The following MLYCD variants were observed in gnomAD, a reference collection of about 807,000 sequenced individuals.
MLYCD encodes malonyl-CoA decarboxylase.
Under a neutral mutation model 35.8 loss-of-function variants are expected in MLYCD, and 27 were observed. The observed-to-expected ratio is 0.75, with a 90% CI of 0.56 to 1.04. The LOEUF (loss-of-function observed/expected upper bound fraction) is 1.04, where lower values mean the gene tolerates loss of function less well. Among genes scored for constraint, MLYCD ranks in the 50% least tolerant of loss-of-function variants. MLYCD has a pLI of 0.00. For synonymous variants in MLYCD, 403 were observed against 302.4 expected (o/e 1.33, Z -3.45); for missense variants, 917 against 665.1 (o/e 1.38, Z -4.17).
intron 1 of MLYCD, among the ~76,000 whole-genome samples, chr16:83,904,770 T>A (rs779876313): frequency 1.3e-5 from 2 of 152,226 alleles, no homozygotes; most frequent in Non-Finnish European, 2.9e-5. Context: ...CACCTGTGCT[T>A]GATGGCTTCC....
chr16:83,916,136 TAATG>T lies in MLYCD; in HGVS notation c.*650_*653del. ...TTAAATGATCAGGGATTCAGGTTCATAATGAACTTCACAGTAAAGAACACGTTTG... is the reference window on the plus strand; with the variant it reads ...TTAAATGATCAGGGATTCAGGTTCATAACTTCACAGTAAAGAACACGTTTG... On this transcript the variant is annotated 3_prime_UTR_variant, in exon 5 of 5. Coordinates refer to ENST00000262430, the MANE Select transcript of MLYCD (RefSeq NM_012213.3). 1.0e-6 allele frequency: 1 copy of T among 993,102 alleles called. No homozygotes were observed. The highest frequency in any genetic ancestry group is 1.2e-6 in the Non-Finnish European group (1 of 833,316). The allele number at this position is 993,102 out of a possible 1,614,324, so 61.5% of individuals were successfully genotyped here.
rs958529136 is a variant in MLYCD at position 83,920,932 on chromosome 16, G to GGATGGATGGATGACA, written c.*5453_*5467dup. ...TGGATGGATGGATGGATGGATGGAT[G>GGATGGATGGATGACA]GATGGATGGATGACAGATGGATGGT... is the stretch of plus-strand genomic sequence containing the variant. On this transcript the variant is annotated 3_prime_UTR_variant, in exon 5 of 5. Coordinates refer to ENST00000262430, the MANE Select transcript of MLYCD (RefSeq NM_012213.3). 1.3e-5 allele frequency: 2 copies of GGATGGATGGATGACA among 150,754 alleles called. No individual in the cohort carries two copies. The highest frequency in any genetic ancestry group is 4.9e-5 in the African/African-American group (2 of 40,776). 9.3% of individuals were successfully genotyped at this position (150,754 alleles called of 1,614,324 possible).
Position 83,912,338 on chromosome 16 carries a change from C to G in MLYCD, c.919C>G (p.Leu307Val), listed in dbSNP as rs1435089192. The change falls in exon 4 of 5, where the codon CTC becomes GTC. Residue 307 changes from leucine to valine, a missense_variant. Coordinates refer to ENST00000262430, the MANE Select transcript of MLYCD (RefSeq NM_012213.3). ...GLQGVELGTF[L>V]IKRVVKELQR... Reference sequence around the variant, plus strand: ...CCAAGGGGTGGAGCTGGGAACATTCCTCATAAAGCGAGTCGTCAAGGAGTT... The same window carrying G: ...CCAAGGGGTGGAGCTGGGAACATTCGTCATAAAGCGAGTCGTCAAGGAGTT... The G allele has an allele frequency of 1.9e-6, 3 of 1,614,078 alleles. No homozygotes were observed. Among genetic ancestry groups the G allele is most frequent in the Non-Finnish European group, 2.5e-6 (3 of 1,180,054 alleles).
rs989589108 is a variant in MLYCD, at chr16:83,902,116, T to C, written c.528+2444T>C. 1.1e-4 allele frequency among the ~76,000 whole-genome samples: 16 copies of C among 145,794 alleles called. 1 individual carries two copies. The East Asian group carries it at 2.4e-3, about 22-fold the overall frequency. The stretch of plus-strand genomic sequence containing the variant: ...AGTTGTTTTCTCATATATACACATA[T>C]ATATGTATGTGTATATGTGTGTGTG... On this transcript the variant is annotated intron_variant, in intron 1 of 4. Coordinates refer to ENST00000262430, the MANE Select transcript of MLYCD (RefSeq NM_012213.3).
At chr16:83,914,631 C>G (rs896367468) in intron 4 of MLYCD, 2 of 388,892 alleles carry the variant, frequency 5.1e-6, no homozygotes, top group Non-Finnish European at 9.8e-6. Context: ...TAAATATTTC[C>G]TGCTGGGTGT....
At chr16:83,911,323 C>T (rs1907173208) in intron 3 of MLYCD, among the ~76,000 whole-genome samples, 1 of 152,224 alleles carries the variant, frequency 6.6e-6, no homozygotes, top group Non-Finnish European at 1.5e-5. Flanking sequence ...GGACTGACTA[C>T]GAGACCTCAT....
At chr16:83,902,154 CGTATATAT>C (rs1305034222) in intron 1 of MLYCD, among the ~76,000 whole-genome samples, 2,243 of 84,428 alleles carry the variant, frequency 0.027, 76 homozygotes, top group African/African-American at 0.09. Flanking sequence ...TGTGTGCGTG[CGTATATAT>C]ATATATATAT....
rs185084231 is a variant in MLYCD, at chr16:83,916,206, G to A, written c.*717G>A. 1.8e-4 allele frequency: 174 copies of A among 987,898 alleles called. No homozygotes were observed. Among genetic ancestry groups the A allele is most frequent in the Non-Finnish European group, 1.9e-4 (159 of 830,338 alleles). The allele number at this position is 987,898 out of a possible 1,614,324, so 61.2% of individuals were successfully genotyped here. Reference sequence around the variant, plus strand: ...AACATCTGATTGTGTAGTGGTGGTCGTCTTTAAGATTAGAGACCTGGGAAG... The same window carrying A: ...AACATCTGATTGTGTAGTGGTGGTCATCTTTAAGATTAGAGACCTGGGAAG... On this transcript the variant is annotated 3_prime_UTR_variant, in exon 5 of 5. Transcript: ENST00000262430.
intron 3 of MLYCD, chr16:83,912,015 C>CA (rs1232063806): frequency 1.5e-6 from 1 of 663,962 alleles, no homozygotes; most frequent in African/African-American, 1.8e-5. Context: ...GACCCCCAGG[C>CA]ACGCGGTGGA....
chr16:83,903,861 C>A (rs181297847), intron 1 of MLYCD, among the ~76,000 whole-genome samples: 3 of 152,342 alleles, frequency 2.0e-5, no homozygotes, highest in African/African-American at 7.2e-5. Context: ...GTTTCTCAGT[C>A]TTGTATTGGT....
At chr16:83,906,876 T>C (rs1906995629) in intron 1 of MLYCD, 111 bp from the exon 2 acceptor site, 1 of 917,898 alleles carries the variant, frequency 1.1e-6, no homozygotes, top group Non-Finnish European at 1.8e-6. Flanking sequence ...TCTTGCACAA[T>C]TGTCTTATGT....
At chr16:83,911,101 G>T (rs903717573) in intron 3 of MLYCD, among the ~76,000 whole-genome samples, 24 of 152,012 alleles carry the variant, frequency 1.6e-4, no homozygotes, top group Admixed American at 3.9e-4. Context: ...CTCAGCCTCC[G>T]TAGTAGCTGG....
intron 3 of MLYCD, among the ~76,000 whole-genome samples, chr16:83,909,769 T>C (rs1907107468): frequency 6.6e-6 from 1 of 151,768 alleles, no homozygotes; most frequent in South Asian, 2.1e-4. Flanking sequence ...ATTACAGGCA[T>C]GTGCCACCAT....
rs1907650382 is a variant in MLYCD, at chr16:83,921,424, ATGGATGGATGGGTGGGTGGGTGGG to A, written c.*5947_*5970del. 1.2e-5 allele frequency: 1 copy of A among 83,234 alleles called. No individual in the cohort carries two copies. The highest frequency in any genetic ancestry group is 2.3e-5 in the Non-Finnish European group (1 of 44,420). The allele number at this position is 83,234 out of a possible 1,614,324, so 5.2% of individuals were successfully genotyped here. On this transcript the variant is annotated 3_prime_UTR_variant, in exon 5 of 5. Transcript: ENST00000262430. ...GGGTGGATGGAAGGAAGGAGGATGG[ATGGATGGATGGGTGGGTGGGTGGG>A]TGGATGGATGGCGCAGGGTATATGG...
rs993486783 is a variant in MLYCD at position 83,899,141 on chromosome 16, C to T, written c.-4C>T. The T allele has an allele frequency of 1.6e-5, 18 of 1,133,440 alleles. No homozygotes were observed. The highest frequency in any genetic ancestry group is 8.3e-5 in the African/African-American group (5 of 60,350). 70.2% of individuals were successfully genotyped at this position (1,133,440 alleles called of 1,614,324 possible). ...CTCCCCCTCGGCAGCTGTTGTGGGG[C>T]ACCATGCGAGGCTTCGGGCCAGGCT... On this transcript the variant is annotated 5_prime_UTR_variant, in exon 1 of 5. Transcript: ENST00000262430.
At position 83,908,228 on chromosome 16, in the gene MLYCD, G is replaced by C. The variant is rs202012613; in HGVS notation, c.744G>C (p.Glu248Asp). 1.2e-6 allele frequency: 2 copies of C among 1,614,036 alleles called. No individual in the cohort carries two copies. Among genetic ancestry groups the C allele is most frequent in the Non-Finnish European group, 1.7e-6 (2 of 1,180,034 alleles). ...YFFSHCSTPG[E>D]PLVVLHVALT... ...TTTCTCACTGTTCGACCCCTGGGGA[G>C]CCCCTGGTCGTTTTGCACGTGGCAC... Residue 248 changes from glutamate to aspartate, a missense_variant, in exon 3 of 5, where the codon GAG becomes GAC. By Grantham distance (45) the Glu-to-Asp change is conservative. Transcript: ENST00000262430.
rs983329002 is a variant in MLYCD at position 83,908,039 on chromosome 16, G to A, written c.642-87G>A. Reference sequence around the variant, plus strand: ...AAAGCTCTATTTAAAGAACTTGTTTGACTTAGACGAATAGTATGAATAGGA... The same window carrying A: ...AAAGCTCTATTTAAAGAACTTGTTTAACTTAGACGAATAGTATGAATAGGA... On this transcript the variant is annotated intron_variant, in intron 2 of 4. Coordinates refer to ENST00000262430, the MANE Select transcript of MLYCD (RefSeq NM_012213.3). The A allele has an allele frequency of 7.8e-6, 12 of 1,539,098 alleles. No homozygotes were observed. The Admixed American group carries it at 2.1e-4, about 27-fold the overall frequency.
chr16:83,915,837 G>T lies in MLYCD; in HGVS notation c.*348G>T. On this transcript the variant is annotated 3_prime_UTR_variant, in exon 5 of 5. Transcript: ENST00000262430. ...TGCAGCCTCTGCCATTGCCATCCCA[G>T]GGGGATCTGGCATCCTCCTAAGGAC... The T allele has an allele frequency of 8.2e-7, 1 of 1,222,362 alleles. No individual in the cohort carries two copies. The highest frequency in any genetic ancestry group is 1.5e-5 in the African/African-American group (1 of 64,664). The allele number at this position is 1,222,362 out of a possible 1,614,324, so 75.7% of individuals were successfully genotyped here.
rs1907360807 is a variant in MLYCD, at chr16:83,915,721, G to A, written c.*232G>A. The stretch of plus-strand genomic sequence containing the variant: ...GCGGGTGCACACAAATGAGTGGGTT[G>A]CTGTGCTGTCTCCGGAAGATTCTGT... On this transcript the variant is annotated 3_prime_UTR_variant, in exon 5 of 5. Coordinates refer to ENST00000262430, the MANE Select transcript of MLYCD (RefSeq NM_012213.3). 1 of 1,418,716 alleles carries A rather than the reference G, an allele frequency of 7.0e-7. No individual in the cohort carries two copies. Among genetic ancestry groups the A allele is most frequent in the Non-Finnish European group, 9.2e-7 (1 of 1,085,566 alleles). 87.9% of individuals were successfully genotyped at this position (1,418,716 alleles called of 1,614,324 possible). A position where few individuals can be genotyped will look rare whatever the true frequency, so the allele number is the denominator to read the frequency against.
Sources: allele counts gnomAD v4.1 joint callset (sites outside exome capture counted in the v4.1 genomes callset), GRCh38; gene constraint gnomAD v4.1.1; transcripts MANE v1.5; gene names NCBI Gene and HGNC (gene_info 2026-07-23, HGNC 2026-07-21).